The following ZNF804B variants were observed in gnomAD, a reference collection of about 807,000 sequenced individuals.
ZNF804B encodes zinc finger protein 804B, also known as zinc finger 804B.
In ZNF804B, 80 loss-of-function variants were observed where a neutral mutation model predicts 101.4. The ratio of observed to expected loss-of-function variants is 0.79; its 90% CI spans 0.66 to 0.95. The LOEUF is 0.95. Among genes scored for constraint, ZNF804B ranks in the 40% least tolerant of loss-of-function variants. The pLI is 0.00. For missense variants in ZNF804B, 1,673 were observed against 1,561.9 expected, an observed-to-expected ratio of 1.07 and a Z score of -1.20; for synonymous variants, 622 against 558.8, an observed-to-expected ratio of 1.11 and a Z score of -1.59.
chr7:89,213,757 T>C (rs967283393), intron 1 of ZNF804B, among the ~76,000 whole-genome samples: 5 of 152,106 alleles, frequency 3.3e-5, no homozygotes, highest in African/African-American at 1.2e-4. Context: ...AGATCTGAGC[T>C]TTAATCCAGT....
At chr7:89,229,129 C>T (rs1789146879) in intron 2 of ZNF804B, among the ~76,000 whole-genome samples, 2 of 152,208 alleles carry the variant, frequency 1.3e-5, no homozygotes, top group South Asian at 4.1e-4. Context: ...TCCCCGCAAG[C>T]TGAGGGACCC....
intron 1 of ZNF804B, among the ~76,000 whole-genome samples, chr7:88,916,729 T>G (rs555857371): frequency 1.3e-5 from 2 of 152,212 alleles, no homozygotes; most frequent in Non-Finnish European, 2.9e-5. Flanking sequence ...AGTAACACTT[T>G]AGGATGTTAT....
intron 1 of ZNF804B, among the ~76,000 whole-genome samples, chr7:89,154,141 A>T (rs1326166488): frequency 6.6e-6 from 1 of 152,204 alleles, no homozygotes; most frequent in African/African-American, 2.4e-5. Flanking sequence ...TGTGCTCAAC[A>T]TCATTGATTA....
intron 2 of ZNF804B, among the ~76,000 whole-genome samples, chr7:89,219,048 C>T (rs1788940273): frequency 6.6e-6 from 1 of 151,878 alleles, no homozygotes; most frequent in African/African-American, 2.4e-5. Context: ...AGTTACTTAA[C>T]TAGTTAGTGA....
At chr7:89,161,605 T>A (rs1791065081) in intron 1 of ZNF804B, among the ~76,000 whole-genome samples, 1 of 151,962 alleles carries the variant, frequency 6.6e-6, no homozygotes, top group African/African-American at 2.4e-5. Flanking sequence ...CCCAGACTGG[T>A]CTCAAAGTCC....
intron 2 of ZNF804B, among the ~76,000 whole-genome samples, chr7:89,283,931 AG>A (rs1340332876): frequency 6.6e-6 from 1 of 152,140 alleles, no homozygotes; most frequent in Non-Finnish European, 1.5e-5. Flanking sequence ...AATATCAAAA[AG>A]GTTAAGAAAA....
intron 2 of ZNF804B, among the ~76,000 whole-genome samples, chr7:89,309,695 G>T (rs1790619286): frequency 6.8e-6 from 1 of 146,242 alleles, no homozygotes; most frequent in African/African-American, 2.5e-5. Context: ...TGCAGGCGGA[G>T]GTTACAATGA....
In ZNF804B at chr7:89,204,559, C is replaced by T. The variant is rs553139458; in HGVS notation, c.109-13596C>T. 5.3e-5 allele frequency among the ~76,000 whole-genome samples: 8 copies of T among 152,154 alleles called. No homozygotes were observed. The South Asian group carries it at 6.2e-4, about 12-fold the overall frequency. ...GATCACTCAGTAGGTCCTGCTTTTC[C>T]GGAGGGTTGCAAAGGGTTGGTCTCA... On this transcript the variant is annotated intron_variant, in intron 1 of 3. Coordinates refer to ENST00000333190, the MANE Select transcript of ZNF804B (RefSeq NM_181646.5).
At chr7:89,047,899 T>C (rs1412070588) in intron 1 of ZNF804B, among the ~76,000 whole-genome samples, 1 of 152,154 alleles carries the variant, frequency 6.6e-6, no homozygotes, top group African/African-American at 2.4e-5. Context: ...AATCCTTTTT[T>C]TTTTTTCCCC....
At chr7:89,012,000 A>ACTT (rs1388365121) in intron 1 of ZNF804B, among the ~76,000 whole-genome samples, 6 of 152,128 alleles carry the variant, frequency 3.9e-5, no homozygotes, top group Non-Finnish European at 7.3e-5. Flanking sequence ...CAAACTTCTG[A>ACTT]CTGAATATCC....
At chr7:89,220,563 T>C (rs1788988684) in intron 2 of ZNF804B, among the ~76,000 whole-genome samples, 1 of 151,940 alleles carries the variant, frequency 6.6e-6, no homozygotes, top group African/African-American at 2.4e-5. Flanking sequence ...TCCACCATTG[T>C]TACATTATTT....
intron 2 of ZNF804B, among the ~76,000 whole-genome samples, chr7:89,268,455 T>G (rs1789832626): frequency 2.6e-5 from 4 of 152,146 alleles, no homozygotes. Flanking sequence ...CCAACAACAT[T>G]GCAAACATTT....
chr7:89,243,028 C>T (rs1789392942), intron 2 of ZNF804B, among the ~76,000 whole-genome samples: 2 of 151,622 alleles, frequency 1.3e-5, no homozygotes, highest in African/African-American at 4.8e-5. Flanking sequence ...GACAAGAATG[C>T]CTGAGAATCC....
chr7:88,781,297 AGT>A (rs1287843729), intron 1 of ZNF804B, among the ~76,000 whole-genome samples: 1 of 152,200 alleles, frequency 6.6e-6, no homozygotes, highest in Non-Finnish European at 1.5e-5. Context: ...CGTTTATTGA[AGT>A]GTAGCTCATG....
chr7:88,903,420 T>G (rs553506334), intron 1 of ZNF804B, among the ~76,000 whole-genome samples: 2 of 152,170 alleles, frequency 1.3e-5, no homozygotes, highest in Non-Finnish European at 2.9e-5. Context: ...AATATGCACA[T>G]GCATGTGTCT....
intron 1 of ZNF804B, among the ~76,000 whole-genome samples, chr7:88,877,103 A>C (rs1791966149): frequency 9.3e-6 from 1 of 107,752 alleles, no homozygotes; most frequent in African/African-American, 3.8e-5. Context: ...TCTGTCACCC[A>C]GGCTGGAGTG....
chr7:89,270,950 C>T (rs540569034), intron 2 of ZNF804B, among the ~76,000 whole-genome samples: 1 of 152,242 alleles, frequency 6.6e-6, no homozygotes, highest in Non-Finnish European at 1.5e-5. Flanking sequence ...TGCTTGTCAG[C>T]TTAAGGAGAT....
rs1554373340 is a variant in ZNF804B at position 89,171,285 on chromosome 7, G to GCTTCTT, written c.109-46868_109-46867insTCTTCT. Among the ~76,000 whole-genome samples the GCTTCTT allele has an allele frequency of 7.5e-3, 485 of 64,498 alleles. 1 individual carries two copies. Among genetic ancestry groups the GCTTCTT allele is most frequent in the African/African-American group, 0.014 (274 of 18,946 alleles). 42.3% of individuals were successfully genotyped at this position (64,498 alleles called of 152,430 possible). ...TGAAGTAGGCACAAATAATGCTGCT[G>GCTTCTT]CTGCTTCTTCTTCTTCTTCTTCTTC... On this transcript the variant is annotated intron_variant, in intron 1 of 3. Coordinates refer to ENST00000333190, the MANE Select transcript of ZNF804B (RefSeq NM_181646.5).
At chr7:89,182,830 C>T (rs1788317656) in intron 1 of ZNF804B, among the ~76,000 whole-genome samples, 1 of 152,078 alleles carries the variant, frequency 6.6e-6, no homozygotes, top group South Asian at 2.1e-4. Flanking sequence ...TTACTTTGCC[C>T]ATTTCTTAGG....
Sources: gnomAD v4.1 joint callset for allele counts (sites outside exome capture counted in the v4.1 genomes callset) on GRCh38, gnomAD v4.1.1 for gene constraint, MANE v1.5 for transcripts, NCBI Gene and HGNC (gene_info 2026-07-23, HGNC 2026-07-21) for gene names.